Variants in MAST4 observed in about 807,000 individuals in gnomAD.
MAST4 encodes the protein microtubule-associated serine/threonine-protein kinase 4.
Under a neutral mutation model 162.7 loss-of-function variants are expected in MAST4, and 89 were observed. The observed-to-expected ratio is 0.55, with a 90% CI of 0.46 to 0.65. The LOEUF is 0.65. Among genes scored for constraint, MAST4 ranks in the 30% least tolerant of loss-of-function variants. The pLI, the probability that MAST4 is intolerant of heterozygous loss-of-function variation, is 0.00. For missense variants in MAST4, 3,153 were observed against 3,374.0 expected, an observed-to-expected ratio of 0.93 and a Z score of 1.62; for synonymous variants, 1,479 against 1,361.1, an observed-to-expected ratio of 1.09 and a Z score of -1.91.
At chr5:67,144,520 G>T in intron 21 of MAST4, 149 bp from the exon 22 acceptor site, 2 of 728,122 alleles carry the variant, frequency 2.7e-6, no homozygotes, top group Non-Finnish European at 4.5e-6. Flanking sequence ...TCTGGATTCT[G>T]GTTAACAACA....
intron 5 of MAST4, among the ~76,000 whole-genome samples, chr5:67,067,293 A>T (rs760210988): frequency 6.6e-6 from 1 of 152,196 alleles, no homozygotes; most frequent in South Asian, 2.1e-4. Context: ...GTTAGCAGCA[A>T]TTCTACTTTG....
chr5:67,121,784 G>A (rs548282520), intron 14 of MAST4, among the ~76,000 whole-genome samples: 2 of 152,156 alleles, frequency 1.3e-5, no homozygotes, highest in Non-Finnish European at 2.9e-5. Context: ...CACAGGCTGC[G>A]GGTTGGATAA....
Position 67,075,500 on chromosome 5 carries a change from C to T in MAST4, c.764-14662C>T, listed in dbSNP as rs193259963. On this transcript the variant is annotated intron_variant, in intron 5 of 28. Transcript: ENST00000403625. ...TTTGGAGTGTTTTTTTTATGACATG[C>T]ATTGCTGAATAAAAATGTGATTGGT... Among the ~76,000 whole-genome samples, 22 of 151,642 alleles carry T rather than the reference C, an allele frequency of 1.5e-4. No individual in the cohort carries two copies. In the East Asian group the frequency reaches 3.9e-3, roughly 27 times the overall value.
At chr5:66,807,388 C>T (rs575959326) in intron 3 of MAST4, among the ~76,000 whole-genome samples, 14 of 151,428 alleles carry the variant, frequency 9.2e-5, no homozygotes, top group Admixed American at 1.3e-4. Flanking sequence ...CCCAGCTACT[C>T]GGGAGGCTGA....
intron 4 of MAST4, among the ~76,000 whole-genome samples, chr5:66,950,709 T>C (rs1409589206): frequency 6.6e-6 from 1 of 152,218 alleles, no homozygotes; most frequent in Admixed American, 6.5e-5. Flanking sequence ...CCTGGCTTGC[T>C]TCCACTTTTG....
rs150511294 is a variant in MAST4, at chr5:66,914,097, G to C, written c.674+14115G>C. ...ATCTTTTTTCAAAGTTGTTTTGGCT[G>C]TTCTAGTTGCCTTAATTGTAGGATC... On this transcript the variant is annotated intron_variant, in intron 4 of 28. Transcript: ENST00000403625. 5.6e-4 allele frequency among the ~76,000 whole-genome samples: 85 copies of C among 151,706 alleles called. 2 individuals are homozygous for C. The highest frequency in any genetic ancestry group is 2.0e-3 in the African/African-American group (82 of 41,316).
intron 3 of MAST4, among the ~76,000 whole-genome samples, chr5:66,850,519 A>G (rs1200220229): frequency 3.9e-5 from 6 of 152,164 alleles, no homozygotes; most frequent in Non-Finnish European, 1.5e-5. Flanking sequence ...TTGAATGCCA[A>G]CATGATGCTA....
At chr5:66,737,496 G>A (rs1386892367) in intron 1 of MAST4, among the ~76,000 whole-genome samples, 5 of 152,194 alleles carry the variant, frequency 3.3e-5, no homozygotes, top group Non-Finnish European at 5.9e-5. Flanking sequence ...CTTGAAAAGA[G>A]GAGTACCAAG....
At chr5:66,767,709 A>G (rs1754165008) in intron 2 of MAST4, among the ~76,000 whole-genome samples, 1 of 152,092 alleles carries the variant, frequency 6.6e-6, no homozygotes, top group Non-Finnish European at 1.5e-5. Context: ...GAGTAAGGAG[A>G]GCCAGTCCGA....
intron 1 of MAST4, among the ~76,000 whole-genome samples, chr5:66,750,955 A>G (rs547355877): frequency 1.2e-3 from 190 of 152,282 alleles, no homozygotes; most frequent in African/African-American, 2.3e-3. Context: ...ATCTGAGAAC[A>G]GGCAGACTGC....
At chr5:67,136,869 T>G (rs977583956) in intron 19 of MAST4, among the ~76,000 whole-genome samples, 6 of 152,216 alleles carry the variant, frequency 3.9e-5, no homozygotes, top group South Asian at 2.1e-4. Context: ...GGGTTGGTTG[T>G]TTGTCTTTGT....
chr5:67,150,633 C>T (rs933753210), intron 24 of MAST4, among the ~76,000 whole-genome samples: 5 of 152,070 alleles, frequency 3.3e-5, no homozygotes, highest in Non-Finnish European at 5.9e-5. Context: ...TTAGGAAGCC[C>T]GTACTTTGGT....
At chr5:66,863,434 G>A (rs1760256813) in intron 3 of MAST4, among the ~76,000 whole-genome samples, 2 of 152,210 alleles carry the variant, frequency 1.3e-5, no homozygotes, top group Non-Finnish European at 1.5e-5. Flanking sequence ...TTGGCCCAGT[G>A]ATTGTGCAGG....
chr5:67,085,066 C>T (rs1278734391), intron 5 of MAST4, among the ~76,000 whole-genome samples: 2 of 152,118 alleles, frequency 1.3e-5, no homozygotes, highest in Non-Finnish European at 2.9e-5. Flanking sequence ...TAAGTAAAAA[C>T]GACTAAAGCT....
chr5:66,895,829 A>T (rs1279000588), intron 3 of MAST4, among the ~76,000 whole-genome samples: 1 of 152,072 alleles, frequency 6.6e-6, no homozygotes, highest in Non-Finnish European at 1.5e-5. Context: ...CCCCCTTTTG[A>T]TACACTTTCT....
At chr5:66,951,634 G>A (rs113173322) in intron 4 of MAST4, among the ~76,000 whole-genome samples, 6,904 of 148,708 alleles carry the variant, frequency 0.046, 513 homozygotes, top group African/African-American at 0.17. Flanking sequence ...GTGTGTGTGT[G>A]TGTGTGTGTG....
chr5:66,816,105 A>G (rs377529786), intron 3 of MAST4, among the ~76,000 whole-genome samples: 11 of 152,358 alleles, frequency 7.2e-5, no homozygotes, highest in African/African-American at 2.6e-4. Context: ...CTTTGGTGAA[A>G]AGAGATTAAA....
At chr5:67,062,037 T>C (rs772027554) in intron 5 of MAST4, among the ~76,000 whole-genome samples, 13 of 152,148 alleles carry the variant, frequency 8.5e-5, no homozygotes, top group Non-Finnish European at 1.5e-4. Flanking sequence ...TGAATTTTAG[T>C]TTGCTGGTGA....
chr5:66,955,054 A>G (rs1487317420), intron 4 of MAST4, among the ~76,000 whole-genome samples: 2 of 151,854 alleles, frequency 1.3e-5, no homozygotes, highest in African/African-American at 4.8e-5. Flanking sequence ...ACACACACAA[A>G]AATTAGCTGG....
Sources: gnomAD v4.1 joint callset for allele counts (sites outside exome capture counted in the v4.1 genomes callset) on GRCh38, gnomAD v4.1.1 for gene constraint, MANE v1.5 for transcripts, NCBI Gene and HGNC (gene_info 2026-07-23, HGNC 2026-07-21) for gene names.